The following MROH9 variants were observed in gnomAD, a reference collection of about 807,000 sequenced individuals.
MROH9 encodes the protein maestro heat like repeat family member 9.
MROH9 carries 92 observed loss-of-function variants against 98.2 expected under a neutral mutation model. That is an observed-to-expected ratio of 0.94 (90% CI 0.79 to 1.11). The LOEUF is 1.11. Among genes scored for constraint, MROH9 ranks in the 50% most tolerant of loss-of-function variants. MROH9 has a pLI of 0.00. For missense variants in MROH9, 1,057 were observed against 1,014.8 expected (o/e 1.04, Z -0.57); for synonymous variants, 397 against 368.9 (o/e 1.08, Z -0.87).
chr1:171,013,379 G>T (rs1652223390), intron 15 of MROH9, among the ~76,000 whole-genome samples: 1 of 152,068 alleles, frequency 6.6e-6, no homozygotes, highest in African/African-American at 2.4e-5. Context: ...ACCTTATTGT[G>T]AACTGTGCAT....
intron 20 of MROH9, among the ~76,000 whole-genome samples, chr1:171,041,274 G>T (rs901357357): frequency 4.6e-5 from 7 of 150,718 alleles, no homozygotes; most frequent in Non-Finnish European, 1.0e-4. Flanking sequence ...TGAGGCTAAT[G>T]GCCTCCAGTT....
intron 7 of MROH9, among the ~76,000 whole-genome samples, chr1:170,966,861 T>C (rs1325740178): frequency 6.6e-6 from 1 of 152,126 alleles, no homozygotes; most frequent in East Asian, 1.9e-4. Context: ...TGAAATTAAG[T>C]GTATCTCACC....
intron 8 of MROH9, among the ~76,000 whole-genome samples, chr1:170,972,317 C>T (rs1650490231): frequency 6.6e-6 from 1 of 152,096 alleles, no homozygotes; most frequent in Non-Finnish European, 1.5e-5. Flanking sequence ...TCTAACAAAG[C>T]ATAAAAGCAA....
intron 2 of MROH9, among the ~76,000 whole-genome samples, chr1:170,946,144 T>C (rs543110632): frequency 6.6e-6 from 1 of 152,002 alleles, no homozygotes; most frequent in African/African-American, 2.4e-5. Context: ...AAGATGAAGT[T>C]GAATATTTGA....
intron 7 of MROH9, among the ~76,000 whole-genome samples, chr1:170,970,731 T>TGTGTGAGAGAGAGA (rs1491154307): frequency 2.1e-4 from 19 of 90,874 alleles, no homozygotes; most frequent in South Asian, 1.3e-3. Flanking sequence ...TGTGTGTGTG[T>TGTGTGAGAGAGAGA]GAGAGAGAGA....
chr1:170,944,965 A>G (rs1327219468), intron 1 of MROH9, among the ~76,000 whole-genome samples: 3 of 152,032 alleles, frequency 2.0e-5, no homozygotes, highest in Non-Finnish European at 4.4e-5. Context: ...TAAGGTTACT[A>G]ATCAGTTATC....
At chr1:170,981,177 A>C (rs2101797198) in intron 8 of MROH9, among the ~76,000 whole-genome samples, 1 of 152,310 alleles carries the variant, frequency 6.6e-6, no homozygotes, top group Admixed American at 6.5e-5. Flanking sequence ...ATGTAAGTTA[A>C]TTCAACCATT....
chr1:171,010,006 T>C (rs1652096540), intron 15 of MROH9, among the ~76,000 whole-genome samples: 1 of 152,242 alleles, frequency 6.6e-6, no homozygotes, highest in Non-Finnish European at 1.5e-5. Flanking sequence ...TGTGCAGTTT[T>C]GTTACATAGG....
At chr1:171,009,158 G>A (rs971911459) in intron 15 of MROH9, among the ~76,000 whole-genome samples, 1 of 151,808 alleles carries the variant, frequency 6.6e-6, no homozygotes, top group Non-Finnish European at 1.5e-5. Context: ...GAATGGATAG[G>A]GATGGAAATG....
chr1:171,040,717 T>A (rs755035491), intron 20 of MROH9, among the ~76,000 whole-genome samples: 20 of 151,972 alleles, frequency 1.3e-4, no homozygotes, highest in Non-Finnish European at 2.4e-4. Flanking sequence ...ACAAAATGGG[T>A]GTGAGTAGTA....
intron 3 of MROH9, among the ~76,000 whole-genome samples, chr1:170,956,295 G>A (rs1418836260): frequency 6.6e-6 from 1 of 152,016 alleles, no homozygotes; most frequent in Non-Finnish European, 1.5e-5. Flanking sequence ...CTTTGGCTAT[G>A]TGGGCTCTTT....
In MROH9 at chr1:170,947,285, T is replaced by A. The variant is rs149621048; in HGVS notation, c.26-242T>A. 6.6e-3 allele frequency among the ~76,000 whole-genome samples: 998 copies of A among 152,150 alleles called. 12 individuals are homozygous for A. Among genetic ancestry groups the A allele is most frequent in the African/African-American group, 0.022 (933 of 41,548 alleles). On this transcript the variant is annotated intron_variant, in intron 2 of 21. Coordinates refer to ENST00000367759, the MANE Select transcript of MROH9 (RefSeq NM_001163629.2). ...GAACCATCCTCTATGTAATAAATAC[T>A]ACTTGGGTATAGGCTTTTATTCTTT...
At chr1:171,022,416 C>T (rs1484849157) in intron 17 of MROH9, among the ~76,000 whole-genome samples, 1 of 152,106 alleles carries the variant, frequency 6.6e-6, no homozygotes, top group Admixed American at 6.5e-5. Flanking sequence ...ACTATGCAGC[C>T]ATAAAAAGGA....
chr1:171,009,873 A>G (rs1055982432), intron 15 of MROH9, among the ~76,000 whole-genome samples: 2 of 152,250 alleles, frequency 1.3e-5, no homozygotes, highest in Non-Finnish European at 2.9e-5. Flanking sequence ...AAAGGACACA[A>G]GAAGTAGTGG....
chr1:170,998,536 T>G, intron 15 of MROH9: 2 of 1,420,014 alleles, frequency 1.4e-6, no homozygotes, highest in Non-Finnish European at 1.8e-6. Context: ...TAATTATTTT[T>G]TAGGACCAGT....
intron 15 of MROH9, among the ~76,000 whole-genome samples, chr1:171,001,267 A>G (rs1651773475): frequency 6.6e-6 from 1 of 151,146 alleles, no homozygotes; most frequent in Admixed American, 6.6e-5. Context: ...GATCTTGGTT[A>G]TTTTCTTTCT....
intron 9 of MROH9, among the ~76,000 whole-genome samples, chr1:170,986,231 T>C (rs1651125932): frequency 6.6e-6 from 1 of 152,164 alleles, no homozygotes. Flanking sequence ...ATCTTCTGCT[T>C]TCTTCATAGT....
chr1:170,954,363 C>T (rs182813601), intron 3 of MROH9, among the ~76,000 whole-genome samples: 1 of 152,146 alleles, frequency 6.6e-6, no homozygotes, highest in East Asian at 1.9e-4. Context: ...TGGCACTCTT[C>T]AATATCTGAT....
intron 20 of MROH9, among the ~76,000 whole-genome samples, chr1:171,051,498 A>C (rs915973285): frequency 1.3e-5 from 2 of 152,334 alleles, no homozygotes; most frequent in African/African-American, 4.8e-5. Context: ...ACAGAAAACA[A>C]AACATCACAT....
Sources: gnomAD v4.1 joint callset for allele counts (sites outside exome capture counted in the v4.1 genomes callset) on GRCh38, gnomAD v4.1.1 for gene constraint, MANE v1.5 for transcripts, NCBI Gene and HGNC (gene_info 2026-07-23, HGNC 2026-07-21) for gene names.